The following METTL15 variants were observed in gnomAD, a reference collection of about 807,000 sequenced individuals.
METTL15 encodes 12S rRNA N(4)-cytidine methyltransferase METTL15.
In METTL15, 34 loss-of-function variants were observed where a neutral mutation model predicts 38.3. The ratio of observed to expected loss-of-function variants is 0.89; its 90% CI spans 0.68 to 1.18. METTL15 has a LOEUF of 1.18. METTL15 is among the 50% of genes most tolerant of loss of function. The pLI, the probability that METTL15 is intolerant of heterozygous loss-of-function variation, is 0.00. For synonymous variants in METTL15, 162 were observed against 170.9 expected (o/e 0.95, Z 0.41); for missense variants, 438 against 498.4 (o/e 0.88, Z 1.15).
chr11:28,127,485 G>C (rs1389055019), intron 3 of METTL15, among the ~76,000 whole-genome samples: 5 of 152,144 alleles, frequency 3.3e-5, no homozygotes, highest in Non-Finnish European at 7.4e-5. Context: ...CTGGCGCCAT[G>C]AAGCTGGAGT....
intron 6 of METTL15, among the ~76,000 whole-genome samples, chr11:28,477,935 A>C (rs1851360692): frequency 2.0e-5 from 3 of 152,162 alleles, no homozygotes; most frequent in African/African-American, 7.2e-5. Context: ...ATCCTCTGAT[A>C]ATTGATTCTA....
At chr11:28,522,265 G>A (rs2582915) in intron 6 of METTL15, among the ~76,000 whole-genome samples, 130,936 of 152,222 alleles carry the variant, frequency 0.86, 56,721 homozygotes, top group African/African-American at 0.95. Flanking sequence ...CTGAACCGGT[G>A]GGATGTATGT....
At chr11:28,309,107 C>T (rs1857184467) in intron 6 of METTL15, among the ~76,000 whole-genome samples, 1 of 152,180 alleles carries the variant, frequency 6.6e-6, no homozygotes, top group South Asian at 2.1e-4. Flanking sequence ...GCCGAAATTT[C>T]ATGTCAATAC....
intron 4 of METTL15, among the ~76,000 whole-genome samples, chr11:28,231,377 G>A (rs1853678795): frequency 6.6e-6 from 1 of 151,730 alleles, no homozygotes. Flanking sequence ...ACCTTTCATA[G>A]GACAAATAAA....
At chr11:28,413,838 T>A (rs1305620328) in intron 5 of METTL15, among the ~76,000 whole-genome samples, 4 of 152,224 alleles carry the variant, frequency 2.6e-5, no homozygotes, top group Non-Finnish European at 4.4e-5. Context: ...GTCAAATCTC[T>A]GGATTCTTAT....
chr11:28,378,403 G>A (rs536332294), intron 5 of METTL15, among the ~76,000 whole-genome samples: 8 of 152,344 alleles, frequency 5.3e-5, no homozygotes, highest in Admixed American at 2.0e-4. Context: ...ATTCGGGTGG[G>A]AGTGAACCGA....
At chr11:28,398,968 C>G (rs1590361372) in intron 5 of METTL15, 1 of 151,744 alleles carries the variant, frequency 6.6e-6, no homozygotes, top group Non-Finnish European at 1.5e-5. Flanking sequence ...CATATGGAAC[C>G]AAAAAAGGGC....
intron 3 of METTL15, among the ~76,000 whole-genome samples, chr11:28,136,245 G>C (rs546447679): frequency 6.6e-6 from 1 of 152,106 alleles, no homozygotes; most frequent in Non-Finnish European, 1.5e-5. Context: ...CCCTTGTGTC[G>C]AGGGTGGGCC....
chr11:28,403,113 T>C (rs112603602), intron 5 of METTL15, among the ~76,000 whole-genome samples: 5 of 152,108 alleles, frequency 3.3e-5, no homozygotes, highest in African/African-American at 1.2e-4. Context: ...TTTCAGTCAT[T>C]TGACATTTCT....
chr11:28,474,497 G>T (rs1851328591), intron 6 of METTL15, among the ~76,000 whole-genome samples: 1 of 152,100 alleles, frequency 6.6e-6, no homozygotes. Context: ...CCTAAAAATA[G>T]CTGAAGGTGA....
chr11:28,143,267 T>C (rs191180049), intron 3 of METTL15, among the ~76,000 whole-genome samples: 21 of 152,232 alleles, frequency 1.4e-4, no homozygotes, highest in African/African-American at 5.1e-4. Context: ...ACCCATGTGA[T>C]ACAGTCCTTG....
intron 6 of METTL15, among the ~76,000 whole-genome samples, chr11:28,441,975 A>C (rs1343325704): frequency 6.6e-6 from 1 of 152,232 alleles, no homozygotes; most frequent in Non-Finnish European, 1.5e-5. Context: ...GAAAAGAAGT[A>C]GATTGTGCAG....
chr11:28,293,419 C>G (rs1160799564), intron 5 of METTL15, among the ~76,000 whole-genome samples: 5 of 152,170 alleles, frequency 3.3e-5, no homozygotes, highest in African/African-American at 1.2e-4. Flanking sequence ...ATCTATGTCT[C>G]TGTTTTGGTA....
chr11:28,135,281 A>G (rs1020164059), intron 3 of METTL15, among the ~76,000 whole-genome samples: 29 of 152,144 alleles, frequency 1.9e-4, no homozygotes, highest in Non-Finnish European at 4.3e-4. Context: ...AAGAATAATT[A>G]TTTTTCACAT....
Position 28,330,845 on chromosome 11 carries a change from A to G in METTL15, c.*4A>G, listed in dbSNP as rs576972846. On this transcript the variant is annotated 3_prime_UTR_variant, in exon 7 of 7. Coordinates refer to ENST00000407364, the MANE Select transcript of METTL15 (RefSeq NM_001113528.2). ...TAGAGCAGCTATCAAATTATAAGTT[A>G]TCATCATCTTATTCTTCAAATTTTT... The G allele has an allele frequency of 4.6e-6, 7 of 1,523,954 alleles. No homozygotes were observed. The highest frequency in any genetic ancestry group is 5.3e-6 in the Non-Finnish European group (6 of 1,137,082). 94.4% of individuals were successfully genotyped at this position (1,523,954 alleles called of 1,614,324 possible).
intron 6 of METTL15, among the ~76,000 whole-genome samples, chr11:28,445,261 T>C (rs190870153): frequency 3.6e-4 from 55 of 152,324 alleles, no homozygotes; most frequent in Admixed American, 5.2e-4. Flanking sequence ...CTTGTAAGAA[T>C]AGTGCAAAGA....
intron 5 of METTL15, among the ~76,000 whole-genome samples, chr11:28,364,550 C>G (rs1239190437): frequency 6.6e-6 from 1 of 152,050 alleles, no homozygotes; most frequent in Non-Finnish European, 1.5e-5. Flanking sequence ...AACTTTTACT[C>G]AATTCATTTA....
At chr11:28,183,375 T>A (rs1851368242) in intron 3 of METTL15, among the ~76,000 whole-genome samples, 1 of 152,150 alleles carries the variant, frequency 6.6e-6, no homozygotes. Context: ...GCCCATTCCA[T>A]ATGATACTGG....
intron 4 of METTL15, among the ~76,000 whole-genome samples, chr11:28,222,119 GC>G (rs1853259565): frequency 6.6e-6 from 1 of 152,202 alleles, no homozygotes; most frequent in Admixed American, 6.5e-5. Flanking sequence ...GGTTTCTGCT[GC>G]CTTTTGTTTA....
Sources: gnomAD v4.1 joint callset for allele counts (sites outside exome capture counted in the v4.1 genomes callset) on GRCh38, gnomAD v4.1.1 for gene constraint, MANE v1.5 for transcripts, NCBI Gene and HGNC (gene_info 2026-07-23, HGNC 2026-07-21) for gene names.